CLOCK: variants seen among roughly 807,000 people sequenced by gnomAD.
CLOCK encodes the protein clock circadian regulator.
In CLOCK, 43 loss-of-function variants were observed where a neutral mutation model predicts 118.4. The ratio of observed to expected loss-of-function variants is 0.36; its 90% CI spans 0.28 to 0.47. CLOCK has a LOEUF of 0.47. Among genes scored for constraint, CLOCK ranks in the 20% least tolerant of loss-of-function variants. CLOCK has a pLI of 1.00. For missense variants in CLOCK, 846 were observed against 999.9 expected (o/e 0.85, Z 2.08); for synonymous variants, 326 against 339.2 (o/e 0.96, Z 0.43).
intron 11 of CLOCK, among the ~76,000 whole-genome samples, chr4:55,458,530 C>T (rs1409386953): frequency 3.9e-5 from 6 of 151,986 alleles, no homozygotes; most frequent in Non-Finnish European, 8.8e-5. Flanking sequence ...TGGCAAAGAG[C>T]CACTTGTACA....
chr4:55,470,652 A>C, intron 8 of CLOCK, 65 bp downstream of exon 8: 1 of 1,133,236 alleles, frequency 8.8e-7, no homozygotes, highest in Non-Finnish European at 1.3e-6. Context: ...TCCACTTCCC[A>C]GTGCTTTAGA....
intron 9 of CLOCK, among the ~76,000 whole-genome samples, chr4:55,461,295 A>T (rs1301877873): frequency 6.6e-6 from 1 of 151,674 alleles, no homozygotes; most frequent in Non-Finnish European, 1.5e-5. Context: ...CCTTTTCAAA[A>T]TTTTCTACCT....
At chr4:55,517,325 A>G (rs1203377624) in intron 1 of CLOCK, among the ~76,000 whole-genome samples, 1 of 152,152 alleles carries the variant, frequency 6.6e-6, no homozygotes, top group East Asian at 1.9e-4. Flanking sequence ...CCTGGCTAAT[A>G]CAGTGAAACC....
chr4:55,469,616 C>T (rs1725991836), intron 8 of CLOCK, among the ~76,000 whole-genome samples: 1 of 152,016 alleles, frequency 6.6e-6, no homozygotes, highest in Admixed American at 6.6e-5. Context: ...CTTAGTTTTA[C>T]AAATGTTTAA....
At chr4:55,462,333 C>A (rs1407721006) in intron 9 of CLOCK, among the ~76,000 whole-genome samples, 1 of 152,204 alleles carries the variant, frequency 6.6e-6, no homozygotes. Flanking sequence ...ATCGCCCAGG[C>A]TGGAATGCAG....
chr4:55,453,716 G>GGT lies in CLOCK; in HGVS notation c.1090_1091insAC (p.Ser364TyrfsTer13). 6.2e-7 allele frequency: 1 copy of GGT among 1,610,884 alleles called. No individual in the cohort carries two copies. The highest frequency in any genetic ancestry group is 8.5e-7 in the Non-Finnish European group (1 of 1,177,932). ...AGTACAAACAATAAACTCTGGCCTT[G>GGT]AATTCCACTGATGGTAAGTGATATA... On this transcript the variant is annotated frameshift_variant, in exon 14 of 23. Coordinates refer to ENST00000513440, the MANE Select transcript of CLOCK (RefSeq NM_004898.4). LOFTEE classifies it high-confidence loss of function.
chr4:55,466,397 T>C (rs1486173473), intron 8 of CLOCK, among the ~76,000 whole-genome samples: 1 of 152,168 alleles, frequency 6.6e-6, no homozygotes, highest in Non-Finnish European at 1.5e-5. Flanking sequence ...TACCCAGTCT[T>C]GGGGAGTCCT....
At chr4:55,453,417 A>G in intron 14 of CLOCK, 1 of 481,348 alleles carries the variant, frequency 2.1e-6, no homozygotes, top group South Asian at 3.9e-5. Context: ...TTCCTTTTAC[A>G]TGACTGACAT....
In CLOCK at chr4:55,470,274, T is replaced by A. The variant is rs1190141050; in HGVS notation, c.438+443A>T. Among the ~76,000 whole-genome samples, 7 of 152,182 alleles carry A rather than the reference T, an allele frequency of 4.6e-5. No homozygotes were observed. In the East Asian group the frequency reaches 1.2e-3, roughly 25 times the overall value. On this transcript the variant is annotated intron_variant, in intron 8 of 22. Coordinates refer to ENST00000513440, the MANE Select transcript of CLOCK (RefSeq NM_004898.4). The stretch of plus-strand genomic sequence containing the variant: ...TTACCTTTGAGACTGTACTTTTTAT[T>A]GTACCTTTTCTATGTTTAGGTATTT...
intron 1 of CLOCK, among the ~76,000 whole-genome samples, chr4:55,527,445 A>G (rs937409267): frequency 1.3e-5 from 2 of 152,202 alleles, no homozygotes; most frequent in Non-Finnish European, 2.9e-5. Flanking sequence ...TATACAACAC[A>G]TAGCTTGCCC....
intron 1 of CLOCK, among the ~76,000 whole-genome samples, chr4:55,512,874 G>C (rs1327297368): frequency 6.6e-6 from 1 of 152,122 alleles, no homozygotes; most frequent in Non-Finnish European, 1.5e-5. Context: ...ATGCAATCAT[G>C]AATTGCATTA....
At chr4:55,545,105 T>C (rs1379832645) in intron 1 of CLOCK, among the ~76,000 whole-genome samples, 4 of 151,276 alleles carry the variant, frequency 2.6e-5, no homozygotes, top group Non-Finnish European at 5.9e-5. Flanking sequence ...AGGGTACATG[T>C]GCACAACGTG....
chr4:55,504,708 A>G (rs1728687940), intron 2 of CLOCK, among the ~76,000 whole-genome samples: 1 of 152,316 alleles, frequency 6.6e-6, no homozygotes, highest in Middle Eastern at 3.4e-3. Flanking sequence ...TTGGTATTTA[A>G]CTATGACCCT....
intron 2 of CLOCK, among the ~76,000 whole-genome samples, chr4:55,508,079 T>G (rs1051382668): frequency 6.6e-6 from 1 of 152,198 alleles, no homozygotes; most frequent in Non-Finnish European, 1.5e-5. Context: ...TCTCCTAATA[T>G]AGTACTTAAC....
At chr4:55,519,412 C>T (rs751421973) in intron 1 of CLOCK, among the ~76,000 whole-genome samples, 3 of 152,110 alleles carry the variant, frequency 2.0e-5, no homozygotes, top group Admixed American at 1.3e-4. Flanking sequence ...GCTTGTAATT[C>T]TCTTCTTGGG....
At chr4:55,453,455 T>C (rs1027880167) in intron 14 of CLOCK, 1 of 492,822 alleles carries the variant, frequency 2.0e-6, no homozygotes, top group Admixed American at 3.6e-5. Flanking sequence ...TAACAACTTC[T>C]GCTGTAAAGC....
At chr4:55,484,865 T>C (rs1269205558) in intron 3 of CLOCK, among the ~76,000 whole-genome samples, 1 of 152,188 alleles carries the variant, frequency 6.6e-6, no homozygotes, top group Admixed American at 6.5e-5. Context: ...GTTTAGAAGA[T>C]GCAGGCTGAT....
chr4:55,490,645 C>T (rs566001111), intron 2 of CLOCK, among the ~76,000 whole-genome samples: 9 of 152,250 alleles, frequency 5.9e-5, no homozygotes, highest in African/African-American at 1.7e-4. Context: ...CTCCCCTATA[C>T]TTTAAATCAT....
intron 2 of CLOCK, among the ~76,000 whole-genome samples, chr4:55,491,214 A>G (rs1230475654): frequency 3.4e-5 from 5 of 148,312 alleles, no homozygotes; most frequent in African/African-American, 1.2e-4. Flanking sequence ...AAAAATGAAG[A>G]AAGATTCCTG....
Sources: allele counts gnomAD v4.1 joint callset (sites outside exome capture counted in the v4.1 genomes callset), GRCh38; gene constraint gnomAD v4.1.1; transcripts MANE v1.5; gene names NCBI Gene and HGNC (gene_info 2026-07-23, HGNC 2026-07-21).